CNBD1: variants seen among roughly 807,000 people sequenced by gnomAD.
The protein encoded by CNBD1 is cyclic nucleotide binding domain containing 1, also known as cyclic nucleotide-binding domain-containing protein 1.
CNBD1 carries 71 observed loss-of-function variants against 54.4 expected under a neutral mutation model. The observed-to-expected ratio is 1.30, with a 90% CI of 1.08 to 1.59. CNBD1 has a LOEUF of 1.59. CNBD1 is among the 40% of genes most tolerant of loss of function. The pLI is 0.00. For missense variants in CNBD1, 659 were observed against 518.0 expected (o/e 1.27, Z -2.64); for synonymous variants, 182 against 170.7 (o/e 1.07, Z -0.51).
intron 5 of CNBD1, among the ~76,000 whole-genome samples, chr8:87,234,358 A>G (rs1392488781): frequency 6.6e-6 from 1 of 152,202 alleles, no homozygotes; most frequent in Non-Finnish European, 1.5e-5. Flanking sequence ...AATTATGTCT[A>G]TGGTAGCTAT....
At chr8:87,197,185 TG>T (rs1288692425) in intron 4 of CNBD1, among the ~76,000 whole-genome samples, 12 of 152,342 alleles carry the variant, frequency 7.9e-5, no homozygotes, top group African/African-American at 2.4e-4. Context: ...TATGACTTTT[TG>T]CTAATCTAGT....
chr8:87,314,107 C>CT (rs993504684), intron 8 of CNBD1, among the ~76,000 whole-genome samples: 27 of 150,570 alleles, frequency 1.8e-4, no homozygotes, highest in Middle Eastern at 3.4e-3. Flanking sequence ...GATGCCAATG[C>CT]TTTTTTTTTC....
At chr8:87,072,562 A>T (rs958816971) in intron 4 of CNBD1, among the ~76,000 whole-genome samples, 3 of 149,758 alleles carry the variant, frequency 2.0e-5, no homozygotes, top group Admixed American at 6.6e-5. Context: ...TCTTTCACTT[A>T]TGAAGCTTAG....
At chr8:87,113,520 G>C (rs969337661) in intron 4 of CNBD1, among the ~76,000 whole-genome samples, 1 of 152,192 alleles carries the variant, frequency 6.6e-6, no homozygotes. Flanking sequence ...ATGTTATTAT[G>C]TTGACAAAGA....
At chr8:87,427,043 G>A (rs1320521706) in intron 2 of CNBD1, among the ~76,000 whole-genome samples, 15 of 152,130 alleles carry the variant, frequency 9.9e-5, no homozygotes. Flanking sequence ...TACAAGATGA[G>A]ATTATGGAAG....
chr8:87,344,416 A>G (rs1810128386), intron 8 of CNBD1, among the ~76,000 whole-genome samples: 1 of 152,120 alleles, frequency 6.6e-6, no homozygotes, highest in Non-Finnish European at 1.5e-5. Flanking sequence ...TTATCATATC[A>G]TTTTAAGATT....
At position 87,381,884 on chromosome 8, in the gene CNBD1, T is replaced by A. The variant is rs573583616; in HGVS notation, c.1304-736T>A. ...AACCTACTAATCCATGGGCATAAAGTTTCAGTTACACAAGATGAATAAGTT... is the reference window on the plus strand; with the variant it reads ...AACCTACTAATCCATGGGCATAAAGATTCAGTTACACAAGATGAATAAGTT... On this transcript the variant is annotated intron_variant, in intron 10 of 10. Coordinates refer to ENST00000518476, the MANE Select transcript of CNBD1 (RefSeq NM_173538.3). 7.2e-5 allele frequency among the ~76,000 whole-genome samples: 11 copies of A among 151,986 alleles called. No homozygotes were observed. The South Asian group carries it at 2.1e-3, about 29-fold the overall frequency.
chr8:87,394,662 A>C (rs1384743723), intron 2 of CNBD1, among the ~76,000 whole-genome samples: 8 of 151,968 alleles, frequency 5.3e-5, no homozygotes, highest in Non-Finnish European at 4.4e-5. Context: ...AGATTGTAAA[A>C]TACCTGTTTT....
intron 3 of CNBD1, among the ~76,000 whole-genome samples, chr8:86,937,645 T>C (rs936252487): frequency 1.3e-5 from 2 of 152,160 alleles, no homozygotes; most frequent in Non-Finnish European, 1.5e-5. Context: ...GACCTCTACG[T>C]TGGCCCCTTT....
At chr8:86,977,820 A>T (rs1808376714) in intron 4 of CNBD1, among the ~76,000 whole-genome samples, 1 of 152,052 alleles carries the variant, frequency 6.6e-6, no homozygotes, top group South Asian at 2.1e-4. Context: ...TGAAGAACTA[A>T]TACCAATCAT....
intron 8 of CNBD1, among the ~76,000 whole-genome samples, chr8:87,295,442 GATA>G (rs923760804): frequency 3.4e-4 from 51 of 151,532 alleles, no homozygotes; most frequent in African/African-American, 1.1e-3. Context: ...CCAGCTGCTA[GATA>G]ATAATTAAAT....
chr8:87,389,622 ACATTC>A (rs1811266732), intron 2 of CNBD1, among the ~76,000 whole-genome samples: 1 of 152,200 alleles, frequency 6.6e-6, no homozygotes, highest in Non-Finnish European at 1.5e-5. Context: ...AAATGGAAGA[ACATTC>A]CATGCCCATG....
intron 4 of CNBD1, among the ~76,000 whole-genome samples, chr8:86,958,135 G>A (rs545669702): frequency 1.3e-5 from 2 of 152,230 alleles, no homozygotes; most frequent in East Asian, 1.9e-4. Flanking sequence ...GTAGTTAAGT[G>A]GTTTTGAGTG....
intron 6 of CNBD1, among the ~76,000 whole-genome samples, chr8:87,267,380 T>C (rs1775787286): frequency 1.3e-5 from 2 of 152,088 alleles, no homozygotes. Context: ...AATTAGACAA[T>C]ATATAATGAT....
At chr8:87,047,992 G>T (rs1810234489) in intron 4 of CNBD1, among the ~76,000 whole-genome samples, 1 of 152,134 alleles carries the variant, frequency 6.6e-6, no homozygotes, top group Non-Finnish European at 1.5e-5. Context: ...TGGTACCTGG[G>T]ATGCTCTTCT....
intron 4 of CNBD1, among the ~76,000 whole-genome samples, chr8:86,949,968 T>G (rs1807568666): frequency 7.6e-6 from 1 of 131,538 alleles, no homozygotes; most frequent in Non-Finnish European, 1.6e-5. Flanking sequence ...TTTTTTTTTT[T>G]TTTTTTGAGA....
intron 4 of CNBD1, among the ~76,000 whole-genome samples, chr8:87,036,590 T>G (rs758123830): frequency 5.7e-5 from 5 of 87,858 alleles, no homozygotes; most frequent in Non-Finnish European, 2.1e-5. Flanking sequence ...CGAGACTGCA[T>G]CTCTAAAAAA....
At chr8:87,015,838 T>C (rs1327156792) in intron 4 of CNBD1, among the ~76,000 whole-genome samples, 1 of 151,630 alleles carries the variant, frequency 6.6e-6, no homozygotes, top group East Asian at 2.0e-4. Context: ...AAAATTAGAC[T>C]GGTGTGGTGG....
chr8:87,236,250 G>T (rs2130825188), intron 5 of CNBD1, among the ~76,000 whole-genome samples: 1 of 152,220 alleles, frequency 6.6e-6, no homozygotes, highest in East Asian at 1.9e-4. Flanking sequence ...GGCTTCAGAA[G>T]AACTGGAATT....
Sources: gnomAD v4.1 joint callset for allele counts (sites outside exome capture counted in the v4.1 genomes callset) on GRCh38, gnomAD v4.1.1 for gene constraint, MANE v1.5 for transcripts, NCBI Gene and HGNC (gene_info 2026-07-23, HGNC 2026-07-21) for gene names.